Variants in SND1 observed in about 807,000 individuals in gnomAD.
The protein encoded by SND1 is staphylococcal nuclease and tudor domain containing 1, also known as staphylococcal nuclease domain-containing protein 1.
In SND1, 38 loss-of-function variants were observed where a neutral mutation model predicts 121.7. That is an observed-to-expected ratio of 0.31 (90% CI 0.24 to 0.41). SND1 has a LOEUF of 0.41. Ranked by LOEUF, SND1 falls within the 10% of genes least tolerant of loss-of-function variation. The pLI is 1.00. For missense variants in SND1, 868 were observed against 1,184.6 expected, an observed-to-expected ratio of 0.73 and a Z score of 3.92; for synonymous variants, 401 against 447.4, an observed-to-expected ratio of 0.90 and a Z score of 1.31.
At position 128,031,868 on chromosome 7, in the gene SND1, C is replaced by T. The variant is rs1389324220; in HGVS notation, c.1779+40812C>T. ...GTTCGCGGCTTCGGCTCCCGGCGCCCTCAGTGGCCGCGCCGCCAGCGGACT... is the reference window on the plus strand; with the variant it reads ...GTTCGCGGCTTCGGCTCCCGGCGCCTTCAGTGGCCGCGCCGCCAGCGGACT... On this transcript the variant is annotated intron_variant, in intron 16 of 23. Coordinates refer to ENST00000354725, the MANE Select transcript of SND1 (RefSeq NM_014390.4). 3.3e-5 allele frequency: 5 copies of T among 150,500 alleles called. No individual in the cohort carries two copies. The East Asian group carries it at 9.8e-4, about 29-fold the overall frequency. The allele number at this position is 150,500 out of a possible 1,614,324, so 9.3% of individuals were successfully genotyped here.
At chr7:128,000,368 C>CTTTTT (rs34812649) in intron 16 of SND1, among the ~76,000 whole-genome samples, 3 of 135,198 alleles carry the variant, frequency 2.2e-5, no homozygotes, top group South Asian at 2.3e-4. Flanking sequence ...GCTTTTGCTT[C>CTTTTT]TTTTTTTTTT....
rs1217615059 is a variant in SND1 at position 127,652,252 on chromosome 7, C to T, written c.-122C>T. 2 of 829,456 alleles carry T rather than the reference C, an allele frequency of 2.4e-6. No individual in the cohort carries two copies. The highest frequency in any genetic ancestry group is 5.3e-5 in the East Asian group (2 of 37,532). 51.4% of individuals were successfully genotyped at this position (829,456 alleles called of 1,614,324 possible). ...GAGCGCCCGGCGAGTCCGTCCCGTC[C>T]ACCGTCCGCAGCTGGTAGCCAGCCT... On this transcript the variant is annotated 5_prime_UTR_variant, in exon 1 of 24. Transcript: ENST00000354725.
chr7:127,701,662 C>T (rs1796105859), intron 5 of SND1, among the ~76,000 whole-genome samples: 1 of 152,020 alleles, frequency 6.6e-6, no homozygotes, highest in South Asian at 2.1e-4. Context: ...ATTCTGTATA[C>T]ATCTAAACAG....
intron 17 of SND1, among the ~76,000 whole-genome samples, chr7:128,075,003 A>G (rs1336274716): frequency 6.6e-6 from 1 of 152,172 alleles, no homozygotes; most frequent in Non-Finnish European, 1.5e-5. Flanking sequence ...CCATGGGACA[A>G]AATGCCCGGG....
intron 11 of SND1, among the ~76,000 whole-genome samples, chr7:127,837,980 G>A (rs1259499790): frequency 6.6e-6 from 1 of 152,194 alleles, no homozygotes; most frequent in East Asian, 1.9e-4. Flanking sequence ...CAGGCAGGTA[G>A]CCCCTACTGC....
At chr7:127,952,607 A>G (rs747962409) in intron 15 of SND1, among the ~76,000 whole-genome samples, 1 of 152,196 alleles carries the variant, frequency 6.6e-6, no homozygotes, top group Non-Finnish European at 1.5e-5. Context: ...TGAGGAAAGC[A>G]GCTGTGTTCG....
intron 13 of SND1, among the ~76,000 whole-genome samples, chr7:127,894,470 A>G (rs1428738830): frequency 6.6e-6 from 1 of 152,032 alleles, no homozygotes; most frequent in Admixed American, 6.6e-5. Flanking sequence ...ACTGGTTATG[A>G]ATGGAATGTG....
intron 13 of SND1, among the ~76,000 whole-genome samples, chr7:127,895,724 A>G (rs934519988): frequency 1.3e-5 from 2 of 152,128 alleles, no homozygotes; most frequent in African/African-American, 4.8e-5. Flanking sequence ...TTTCTTCAGA[A>G]AAGATGATGC....
chr7:127,882,280 G>A (rs1233695821), intron 12 of SND1, among the ~76,000 whole-genome samples: 2 of 150,556 alleles, frequency 1.3e-5, no homozygotes, highest in Admixed American at 6.6e-5. Context: ...AAAAGGAAAA[G>A]CAATTAAGGC....
At chr7:127,705,278 GA>G (rs1377964014) in intron 8 of SND1, among the ~76,000 whole-genome samples, 3 of 152,176 alleles carry the variant, frequency 2.0e-5, no homozygotes, top group Non-Finnish European at 4.4e-5. Flanking sequence ...GCTTATTTGA[GA>G]AAGATGAAAT....
At chr7:128,077,456 G>A (rs190547947) in intron 17 of SND1, among the ~76,000 whole-genome samples, 13 of 152,338 alleles carry the variant, frequency 8.5e-5, no homozygotes, top group African/African-American at 2.2e-4. Context: ...AAAGTGTAGA[G>A]GGGACCCGAG....
In SND1 at chr7:128,084,804, C is replaced by A. The variant is rs755289729; in HGVS notation, c.2191C>A (p.Arg731Ser). Residue 731 changes from arginine to serine, a missense_variant, in exon 19 of 24, where the codon CGC becomes AGC. Coordinates refer to ENST00000354725, the MANE Select transcript of SND1 (RefSeq NM_014390.4). Reference sequence around the variant, plus strand: ...CCCTGTAGAGGGCTCCTATGCCCCCCGCAGGGGAGAGTTCTGCATTGCCAA... The same window carrying A: ...CCCTGTAGAGGGCTCCTATGCCCCCAGCAGGGGAGAGTTCTGCATTGCCAA... ...HPPVEGSYAPRRGEFCIAKFV... is the reference protein window; with the variant it reads ...HPPVEGSYAPSRGEFCIAKFV... 6.2e-7 allele frequency: 1 copy of A among 1,607,450 alleles called. No homozygotes were observed. The highest frequency in any genetic ancestry group is 1.7e-5 in the Admixed American group (1 of 59,622).
chr7:127,694,071 G>C (rs1018585080), intron 2 of SND1, among the ~76,000 whole-genome samples: 3 of 152,180 alleles, frequency 2.0e-5, no homozygotes, highest in Non-Finnish European at 4.4e-5. Context: ...TTATCAAGGT[G>C]ATCCTTTGTC....
rs188305460 is a variant in SND1 at position 127,719,018 on chromosome 7, A to C, written c.1039-2269A>C. 4.7e-3 allele frequency among the ~76,000 whole-genome samples: 721 copies of C among 152,094 alleles called. 7 individuals carry two copies. Among genetic ancestry groups the C allele is most frequent in the African/African-American group, 0.017 (687 of 41,462 alleles). ...CCTTTGGGTATCTGTTTGGAGGAGG[A>C]GTGGTATTGATTTGCTATAGTAGCT... is the stretch of plus-strand genomic sequence containing the variant. On this transcript the variant is annotated intron_variant, in intron 9 of 23. Transcript: ENST00000354725.
chr7:127,853,271 A>G (rs1337480535), intron 12 of SND1, among the ~76,000 whole-genome samples: 1 of 152,196 alleles, frequency 6.6e-6, no homozygotes, highest in Non-Finnish European at 1.5e-5. Context: ...CTGTGGCCAC[A>G]CGTCCATCTA....
At chr7:127,875,403 A>T (rs562594609) in intron 12 of SND1, among the ~76,000 whole-genome samples, 1 of 152,306 alleles carries the variant, frequency 6.6e-6, no homozygotes, top group South Asian at 2.1e-4. Flanking sequence ...AGGCACCGGC[A>T]TGGGGAGAAT....
intron 21 of SND1, 30 bp downstream of exon 21, chr7:128,087,081 G>GA (rs1166967645): frequency 6.4e-7 from 1 of 1,562,548 alleles, no homozygotes; most frequent in East Asian, 2.2e-5. Context: ...CCTTCCAAAG[G>GA]GGACTATCCA....
chr7:127,775,513 T>C (rs756821313), intron 10 of SND1, among the ~76,000 whole-genome samples: 1 of 152,170 alleles, frequency 6.6e-6, no homozygotes, highest in Non-Finnish European at 1.5e-5. Flanking sequence ...ATAAAAGAAC[T>C]GGCATTTCTG....
intron 10 of SND1, among the ~76,000 whole-genome samples, chr7:127,762,218 G>T (rs375394928): frequency 7.2e-5 from 11 of 152,176 alleles, no homozygotes; most frequent in African/African-American, 2.4e-4. Context: ...TTATTAGTTT[G>T]CTAGGCCTAC....
Sources: allele counts gnomAD v4.1 joint callset (sites outside exome capture counted in the v4.1 genomes callset), GRCh38; gene constraint gnomAD v4.1.1; transcripts MANE v1.5; gene names NCBI Gene and HGNC (gene_info 2026-07-23, HGNC 2026-07-21).